EPHA6: variants seen among roughly 807,000 people sequenced by gnomAD.
The protein encoded by EPHA6 is EPH receptor A6.
A neutral mutation model predicts 112.0 loss-of-function variants in EPHA6; 50 were observed. The observed-to-expected ratio is 0.45, with a 90% CI of 0.36 to 0.56. The LOEUF (loss-of-function observed/expected upper bound fraction) is 0.56. Ranked by LOEUF, EPHA6 falls within the 20% of genes least tolerant of loss-of-function variation. The pLI, the probability that EPHA6 is intolerant of heterozygous loss-of-function variation, is 0.00. For missense variants in EPHA6, 1,280 were observed against 1,417.4 expected (o/e 0.90, Z 1.56); for synonymous variants, 529 against 490.7 (o/e 1.08, Z -1.03).
In EPHA6 at chr3:97,548,991, G is replaced by T. The variant is rs79967458; in HGVS notation, c.2386+16448G>T. 1.9e-3 allele frequency among the ~76,000 whole-genome samples: 296 copies of T among 152,332 alleles called. 1 individual carries two copies. Among genetic ancestry groups the T allele is most frequent in the African/African-American group, 6.7e-3 (277 of 41,570 alleles). ...ATATAGTGCAAAGTATTACTCACTT[G>T]TGGGTGATGATGCTGGCATAAACAA... On this transcript the variant is annotated intron_variant, in intron 11 of 17. Coordinates refer to ENST00000389672, the MANE Select transcript of EPHA6 (RefSeq NM_001080448.3).
At chr3:97,597,340 G>A (rs947889453) in intron 12 of EPHA6, among the ~76,000 whole-genome samples, 10 of 152,142 alleles carry the variant, frequency 6.6e-5, no homozygotes, top group Admixed American at 4.6e-4. Flanking sequence ...CAAAGATAGC[G>A]TGAGACTTCC....
At chr3:97,513,735 C>T (rs566639805) in intron 10 of EPHA6, among the ~76,000 whole-genome samples, 1 of 152,080 alleles carries the variant, frequency 6.6e-6, no homozygotes, top group Admixed American at 6.5e-5. Context: ...TACAGTTACA[C>T]AGGAGGAATA....
At chr3:97,660,678 A>G (rs934949841) in intron 14 of EPHA6, among the ~76,000 whole-genome samples, 3 of 152,126 alleles carry the variant, frequency 2.0e-5, no homozygotes, top group East Asian at 1.9e-4. Flanking sequence ...GCCCACCAGT[A>G]CAGACATTGA....
intron 2 of EPHA6, among the ~76,000 whole-genome samples, chr3:96,906,168 A>C (rs1002546362): frequency 2.0e-5 from 3 of 152,046 alleles, no homozygotes; most frequent in Admixed American, 6.6e-5. Flanking sequence ...TTTTATCAAG[A>C]AATTGCTAAG....
intron 3 of EPHA6, among the ~76,000 whole-genome samples, chr3:97,014,065 T>G (rs1467238592): frequency 6.6e-6 from 1 of 152,176 alleles, no homozygotes; most frequent in Non-Finnish European, 1.5e-5. Flanking sequence ...ATATTTGAAC[T>G]TTCTTATACT....
chr3:96,849,149 A>G (rs186995430), intron 1 of EPHA6, among the ~76,000 whole-genome samples: 19 of 152,258 alleles, frequency 1.2e-4, no homozygotes, highest in Admixed American at 1.2e-3. Context: ...AAAAATGTCC[A>G]TAGCCTTTTG....
intron 5 of EPHA6, among the ~76,000 whole-genome samples, chr3:97,252,651 G>A (rs779920769): frequency 1.3e-5 from 2 of 152,138 alleles, no homozygotes; most frequent in Non-Finnish European, 1.5e-5. Context: ...GGCTAAGAGT[G>A]GGGGAGTGTG....
chr3:97,106,938 G>A (rs9832209), intron 3 of EPHA6, among the ~76,000 whole-genome samples: 39,645 of 151,994 alleles, frequency 0.26, 8,191 homozygotes, highest in African/African-American at 0.56. Flanking sequence ...CTATTCAGGT[G>A]TCTGGGATCA....
intron 5 of EPHA6, among the ~76,000 whole-genome samples, chr3:97,267,411 G>T (rs1484649299): frequency 6.6e-6 from 1 of 151,612 alleles, no homozygotes; most frequent in Non-Finnish European, 1.5e-5. Flanking sequence ...ACCCCTATTA[G>T]AATAATAGTT....
At chr3:97,167,480 G>T (rs2076569913) in intron 3 of EPHA6, among the ~76,000 whole-genome samples, 1 of 152,048 alleles carries the variant, frequency 6.6e-6, no homozygotes, top group African/African-American at 2.4e-5. Flanking sequence ...TCTACTGTAT[G>T]TTTAGGTGTG....
At chr3:97,021,101 C>T (rs1308030059) in intron 3 of EPHA6, among the ~76,000 whole-genome samples, 1 of 152,154 alleles carries the variant, frequency 6.6e-6, no homozygotes, top group Non-Finnish European at 1.5e-5. Flanking sequence ...ACACTACTTT[C>T]TCATAATTCA....
At chr3:97,279,311 T>TA (rs1237128399) in intron 5 of EPHA6, among the ~76,000 whole-genome samples, 1 of 152,116 alleles carries the variant, frequency 6.6e-6, no homozygotes, top group African/African-American at 2.4e-5. Flanking sequence ...TTAGAATAAA[T>TA]AAATTACAAC....
chr3:96,960,183 C>T (rs1395563570), intron 2 of EPHA6, among the ~76,000 whole-genome samples: 1 of 151,980 alleles, frequency 6.6e-6, no homozygotes, highest in Non-Finnish European at 1.5e-5. Flanking sequence ...AGGTATGTGG[C>T]CTACATTTAG....
intron 14 of EPHA6, among the ~76,000 whole-genome samples, chr3:97,698,716 C>T (rs553103731): frequency 2.0e-5 from 3 of 152,312 alleles, no homozygotes; most frequent in Non-Finnish European, 2.9e-5. Context: ...TGGCAATTAT[C>T]GGGCATGTGG....
At chr3:97,545,949 C>T (rs945435982) in intron 11 of EPHA6, among the ~76,000 whole-genome samples, 2 of 152,136 alleles carry the variant, frequency 1.3e-5, no homozygotes, top group African/African-American at 4.8e-5. Context: ...TATTTTGAGC[C>T]TATGTGTGTC....
chr3:97,020,821 C>G (rs2044431788), intron 3 of EPHA6, among the ~76,000 whole-genome samples: 1 of 151,874 alleles, frequency 6.6e-6, no homozygotes, highest in South Asian at 2.1e-4. Context: ...TGTTCTTAAC[C>G]CATTTATTAT....
rs566800127 is a variant in EPHA6, at chr3:96,838,325, G to T, written c.385+23317G>T. 7.2e-5 allele frequency among the ~76,000 whole-genome samples: 11 copies of T among 152,176 alleles called. No individual in the cohort carries two copies. In the South Asian group the frequency reaches 2.3e-3, roughly 32 times the overall value. On this transcript the variant is annotated intron_variant, in intron 1 of 17. Transcript: ENST00000389672. ...TGATGGACATTTAGGTTGATTCCCT[G>T]TCTTTGCCATTGTGAATAGTGCTTC...
At chr3:97,021,665 T>G (rs1452569918) in intron 3 of EPHA6, among the ~76,000 whole-genome samples, 1 of 152,252 alleles carries the variant, frequency 6.6e-6, no homozygotes, top group Non-Finnish European at 1.5e-5. Flanking sequence ...CACATGGTTT[T>G]TCCTCTGTGC....
intron 14 of EPHA6, among the ~76,000 whole-genome samples, chr3:97,694,694 T>C (rs796723438): frequency 2.0e-5 from 3 of 152,208 alleles, no homozygotes; most frequent in South Asian, 2.1e-4. Context: ...GAGGATGTCA[T>C]TTAAGGGTAG....
Sources: allele counts gnomAD v4.1 joint callset (sites outside exome capture counted in the v4.1 genomes callset), GRCh38; gene constraint gnomAD v4.1.1; transcripts MANE v1.5; gene names NCBI Gene and HGNC (gene_info 2026-07-23, HGNC 2026-07-21).